The following TLN2 variants were observed in gnomAD, a reference collection of about 807,000 sequenced individuals.
TLN2 encodes the protein talin 2, also known as talin-2.
A neutral mutation model predicts 294.7 loss-of-function variants in TLN2; 118 were observed. The ratio of observed to expected loss-of-function variants is 0.40; its 90% CI spans 0.34 to 0.47. The LOEUF (loss-of-function observed/expected upper bound fraction) is 0.47. TLN2 is among the 20% of genes least tolerant of loss of function. The pLI is 0.84. For missense variants in TLN2, 3,083 were observed against 3,282.2 expected (o/e 0.94, Z 1.48); for synonymous variants, 1,431 against 1,304.5 (o/e 1.10, Z -2.09).
At chr15:62,763,436 T>A in intron 39 of TLN2, 127 bp from the exon 40 acceptor site, 1 of 1,275,716 alleles carries the variant, frequency 7.8e-7, no homozygotes, top group Non-Finnish European at 1.1e-6. Context: ...GGGTCAGGGA[T>A]TCCTCCTGAA....
At chr15:62,596,761 A>G (rs2046560364) in intron 2 of TLN2, among the ~76,000 whole-genome samples, 1 of 152,078 alleles carries the variant, frequency 6.6e-6, no homozygotes, top group Non-Finnish European at 1.5e-5. Flanking sequence ...AAAAATAATA[A>G]TAACTATGAA....
chr15:62,659,067 G>C (rs1286124138), intron 9 of TLN2, among the ~76,000 whole-genome samples: 2 of 152,140 alleles, frequency 1.3e-5, no homozygotes, highest in Non-Finnish European at 2.9e-5. Context: ...TCCCTGGTAG[G>C]AAGGCGATCC....
At chr15:62,691,697 T>TC (rs2057927180) in intron 12 of TLN2, among the ~76,000 whole-genome samples, 1 of 152,144 alleles carries the variant, frequency 6.6e-6, no homozygotes, top group African/African-American at 2.4e-5. Flanking sequence ...CCTGTTTTTT[T>TC]TGGAGACAGT....
intron 19 of TLN2, among the ~76,000 whole-genome samples, chr15:62,703,913 G>C (rs2058891382): frequency 6.6e-6 from 1 of 152,172 alleles, no homozygotes; most frequent in African/African-American, 2.4e-5. Flanking sequence ...CCTGCTTCTG[G>C]GGTGGTTCAG....
intron 54 of TLN2, among the ~76,000 whole-genome samples, chr15:62,825,867 T>TATATATATAATATATA (rs1312943478): frequency 2.1e-4 from 21 of 98,536 alleles, no homozygotes; most frequent in African/African-American, 1.0e-3. Flanking sequence ...TATATATATA[T>TATATATATAATATATA]TTATATATAT....
intron 1 of TLN2, among the ~76,000 whole-genome samples, chr15:62,478,860 T>C (rs538608266): frequency 7.2e-5 from 11 of 152,242 alleles, no homozygotes; most frequent in African/African-American, 2.2e-4. Flanking sequence ...TTTGGCTTCA[T>C]GTATATGCTT....
chr15:62,675,306 C>T lies in TLN2; in HGVS notation c.942C>T (p.Ser314=). 1 of 1,614,230 alleles carries T rather than the reference C, an allele frequency of 6.2e-7. No homozygotes were observed. The highest frequency in any genetic ancestry group is 8.5e-7 in the Non-Finnish European group (1 of 1,180,042). ...LARSLRTYGV[S]FFLVKEKMKG... ...GGTCCCTCCGCACATATGGCGTGTC[C>T]TTCTTCCTGGTGAAGGTGAGTTGGG... is the stretch of plus-strand genomic sequence containing the variant. The change falls in exon 11 of 59, where the codon TCC becomes TCT. Residue 314 remains serine (S), a synonymous_variant. Coordinates refer to ENST00000636159, the MANE Select transcript of TLN2 (RefSeq NM_015059.3).
At chr15:62,415,239 A>G (rs1158611124) in intron 1 of TLN2, among the ~76,000 whole-genome samples, 1 of 141,600 alleles carries the variant, frequency 7.1e-6, no homozygotes, top group African/African-American at 2.5e-5. Context: ...TATTAGGGAC[A>G]GAGATGGACA....
At chr15:62,524,743 A>T (rs912481052) in intron 1 of TLN2, among the ~76,000 whole-genome samples, 2 of 152,346 alleles carry the variant, frequency 1.3e-5, no homozygotes, top group African/African-American at 2.4e-5. Flanking sequence ...TGCCTCATAC[A>T]TGCATTATAT....
chr15:62,524,403 G>A (rs2040623712), intron 1 of TLN2, among the ~76,000 whole-genome samples: 1 of 152,140 alleles, frequency 6.6e-6, no homozygotes, highest in African/African-American at 2.4e-5. Flanking sequence ...TGTGTAGGAA[G>A]CAATTTAGGC....
chr15:62,675,013 G>T (rs1327100025), intron 10 of TLN2, among the ~76,000 whole-genome samples: 2 of 152,188 alleles, frequency 1.3e-5, no homozygotes, highest in Non-Finnish European at 2.9e-5. Flanking sequence ...TCAAACTCTG[G>T]TTTGAAATCC....
intron 58 of TLN2, 127 bp downstream of exon 58, chr15:62,839,108 TTTCC>T (rs1175984599): frequency 2.3e-6 from 3 of 1,321,702 alleles, no homozygotes; most frequent in Non-Finnish European, 3.1e-6. Flanking sequence ...TGGTGTGGTG[TTTCC>T]TTCATGTCTG....
intron 1 of TLN2, among the ~76,000 whole-genome samples, chr15:62,558,006 T>G (rs1267258871): frequency 6.6e-6 from 1 of 152,242 alleles, no homozygotes; most frequent in East Asian, 1.9e-4. Flanking sequence ...TCTCATTGCC[T>G]ATTTCAGCCA....
intron 2 of TLN2, among the ~76,000 whole-genome samples, chr15:62,613,261 C>T (rs1212080770): frequency 1.3e-5 from 2 of 152,122 alleles, no homozygotes; most frequent in Admixed American, 6.5e-5. Context: ...CTTTTTGATC[C>T]GTTTTGCCAC....
chr15:62,482,320 T>G (rs1343118697), intron 1 of TLN2, among the ~76,000 whole-genome samples: 2 of 152,150 alleles, frequency 1.3e-5, no homozygotes. Context: ...ATGATTGAAT[T>G]GGCCAGGCAT....
At chr15:62,770,232 G>A (rs753191791) in intron 41 of TLN2, among the ~76,000 whole-genome samples, 1 of 152,192 alleles carries the variant, frequency 6.6e-6, no homozygotes, top group African/African-American at 2.4e-5. Flanking sequence ...TGAGGAAATG[G>A]AAGTTAAACT....
At chr15:62,650,909 C>T (rs1475532664) in intron 5 of TLN2, among the ~76,000 whole-genome samples, 2 of 152,094 alleles carry the variant, frequency 1.3e-5, no homozygotes, top group East Asian at 1.9e-4. Context: ...AAACATGTTA[C>T]CCCTGTTTGG....
chr15:62,589,822 T>C (rs1364344739), intron 2 of TLN2, 60 bp downstream of exon 2: 2 of 152,228 alleles, frequency 1.3e-5, no homozygotes, highest in African/African-American at 4.8e-5. Context: ...TGCATTGGTA[T>C]AGTTTTGTAA....
chr15:62,708,639 C>T lies in TLN2; in HGVS notation c.2310C>T (p.Val770=), dbSNP rs745637658. Residue 770 remains valine (V), a synonymous_variant, in exon 21 of 59, where the codon GTC becomes GTT. Transcript: ENST00000636159. ...CCGATAGTGAGCTCCTGAAGCAGGT[C>T]AGCGCAGCGGCCAGCGTGGTCAGCC... is the stretch of plus-strand genomic sequence containing the variant. ...ATTDSELLKQ[V]SAAASVVSQA... The T allele has an allele frequency of 5.6e-6, 9 of 1,614,206 alleles. No individual in the cohort carries two copies. The Admixed American group carries it at 8.3e-5, about 15-fold the overall frequency.
Sources: gnomAD v4.1 joint callset for allele counts (sites outside exome capture counted in the v4.1 genomes callset) on GRCh38, gnomAD v4.1.1 for gene constraint, MANE v1.5 for transcripts, NCBI Gene and HGNC (gene_info 2026-07-23, HGNC 2026-07-21) for gene names.